Variants in PLA2G4A observed in about 807,000 individuals in gnomAD.
PLA2G4A encodes cytosolic phospholipase A2.
In PLA2G4A, 40 loss-of-function variants were observed where a neutral mutation model predicts 81.9. The ratio of observed to expected loss-of-function variants is 0.49; its 90% CI spans 0.38 to 0.64. The LOEUF (loss-of-function observed/expected upper bound fraction) is 0.64. PLA2G4A is among the 30% of genes least tolerant of loss of function. The pLI is 0.00. For synonymous variants in PLA2G4A, 302 were observed against 296.9 expected (o/e 1.02, Z -0.18); for missense variants, 715 against 905.1 (o/e 0.79, Z 2.69).
intron 1 of PLA2G4A, among the ~76,000 whole-genome samples, chr1:186,835,113 T>A (rs892171232): frequency 6.6e-6 from 1 of 152,154 alleles, no homozygotes; most frequent in African/African-American, 2.4e-5. Context: ...AAACATTAGG[T>A]CAGCACATGG....
At chr1:186,952,406 GT>G (rs1351109329) in intron 13 of PLA2G4A, among the ~76,000 whole-genome samples, 1 of 152,114 alleles carries the variant, frequency 6.6e-6, no homozygotes, top group Non-Finnish European at 1.5e-5. Context: ...TTTACATAGA[GT>G]TTTTAGAGCA....
intron 10 of PLA2G4A, among the ~76,000 whole-genome samples, chr1:186,945,521 G>C (rs140591178): frequency 1.3e-5 from 2 of 152,232 alleles, no homozygotes; most frequent in East Asian, 3.9e-4. Context: ...GGAGGTCCAG[G>C]AGAGAGAATA....
At chr1:186,859,815 T>A (rs1652732126) in intron 2 of PLA2G4A, among the ~76,000 whole-genome samples, 1 of 152,094 alleles carries the variant, frequency 6.6e-6, no homozygotes, top group African/African-American at 2.4e-5. Flanking sequence ...ACTCTGACTT[T>A]TACCTGCCTC....
chr1:186,897,780 A>G (rs1357078514), intron 5 of PLA2G4A, among the ~76,000 whole-genome samples: 1 of 152,178 alleles, frequency 6.6e-6, no homozygotes, highest in African/African-American at 2.4e-5. Flanking sequence ...AAGTGCTGGG[A>G]TTGCAGGCGT....
At chr1:186,925,858 G>A (rs1454374203) in intron 7 of PLA2G4A, among the ~76,000 whole-genome samples, 1 of 152,096 alleles carries the variant, frequency 6.6e-6, no homozygotes, top group Non-Finnish European at 1.5e-5. Flanking sequence ...GTTTTATGAG[G>A]GCCAGGACAA....
rs759648450 is a variant in PLA2G4A, at chr1:186,854,382, A to T, written c.28A>T (p.Ile10Phe). ...GTCATTTATAGATCCTTACCAGCAC[A>T]TTATAGTAAGTCATTCACTGTTTAT... MSFIDPYQH[I>F]IVEHQYSHKF... is the part of the protein sequence containing the mutation. The change falls in exon 2 of 18, where the codon ATT becomes TTT. Residue 10 changes from isoleucine to phenylalanine, a missense_variant. Physicochemically the swap from Ile to Phe is conservative, Grantham distance 21 (BLOSUM62 0). Coordinates refer to ENST00000367466, the MANE Select transcript of PLA2G4A (RefSeq NM_024420.3). The T allele has an allele frequency of 6.4e-7, 1 of 1,563,192 alleles. No individual in the cohort carries two copies.
chr1:186,929,042 T>C (rs1655649512), intron 7 of PLA2G4A, among the ~76,000 whole-genome samples: 1 of 152,210 alleles, frequency 6.6e-6, no homozygotes, highest in Non-Finnish European at 1.5e-5. Context: ...ACTCCAAACT[T>C]AGTCTTTGTT....
At chr1:186,899,146 T>C (rs1466531447) in intron 5 of PLA2G4A, among the ~76,000 whole-genome samples, 2 of 152,184 alleles carry the variant, frequency 1.3e-5, no homozygotes, top group African/African-American at 4.8e-5. Context: ...AGTGTGTATA[T>C]GTGTGTAAAG....
chr1:186,830,985 T>G (rs143879296), intron 1 of PLA2G4A, among the ~76,000 whole-genome samples: 1,915 of 139,734 alleles, frequency 0.014, 46 homozygotes, highest in African/African-American at 0.045. Flanking sequence ...TTTCTTTCTT[T>G]CTTTCTTTCT....
At position 186,965,723 on chromosome 1, in the gene PLA2G4A, C is replaced by T. The variant is rs1313253728; in HGVS notation, c.1764+130C>T. 5 of 749,316 alleles carry T rather than the reference C, an allele frequency of 6.7e-6. No homozygotes were observed. In the African/African-American group the frequency reaches 6.9e-5, roughly 10 times the overall value. 46.4% of individuals were successfully genotyped at this position (749,316 alleles called of 1,614,324 possible). ...TTCTACATCTTTATGAGTAATAGTT[C>T]TAAAACGCAAACATGGTTCAATCAG... On this transcript the variant is annotated intron_variant, in intron 15 of 17. Coordinates refer to ENST00000367466, the MANE Select transcript of PLA2G4A (RefSeq NM_024420.3).
intron 7 of PLA2G4A, among the ~76,000 whole-genome samples, chr1:186,920,428 A>G (rs547366792): frequency 6.6e-6 from 1 of 152,316 alleles, no homozygotes; most frequent in African/African-American, 2.4e-5. Flanking sequence ...GGTGGTCACT[A>G]CTGAATGTTC....
chr1:186,981,195 T>C (rs1488166349), intron 17 of PLA2G4A, among the ~76,000 whole-genome samples: 1 of 152,118 alleles, frequency 6.6e-6, no homozygotes, highest in African/African-American at 2.4e-5. Context: ...TGGGATGAAT[T>C]GTATTAAATT....
At chr1:186,852,006 C>T (rs1652391296) in intron 1 of PLA2G4A, among the ~76,000 whole-genome samples, 1 of 151,878 alleles carries the variant, frequency 6.6e-6, no homozygotes, top group South Asian at 2.1e-4. Context: ...AGAAAATGAA[C>T]ATCCCTTGAC....
chr1:186,881,336 G>A lies in PLA2G4A; in HGVS notation c.115+10820G>A, dbSNP rs575220861. Among the ~76,000 whole-genome samples, 14 of 152,150 alleles carry A rather than the reference G, an allele frequency of 9.2e-5. No individual in the cohort carries two copies. In the South Asian group the frequency reaches 2.7e-3, roughly 29 times the overall value. ...CATTGTAATTTCAAATGAGGGAAAG[G>A]CATTCCACATTTGAGTTCCTAGGCA... On this transcript the variant is annotated intron_variant, in intron 3 of 17. Transcript: ENST00000367466.
chr1:186,936,160 A>G (rs1655936020), intron 8 of PLA2G4A, among the ~76,000 whole-genome samples: 1 of 151,976 alleles, frequency 6.6e-6, no homozygotes, highest in South Asian at 2.1e-4. Context: ...AGAAATCAGA[A>G]CAGCTCTGCA....
At chr1:186,948,663 A>C (rs1279674049) in intron 12 of PLA2G4A, among the ~76,000 whole-genome samples, 1 of 152,174 alleles carries the variant, frequency 6.6e-6, no homozygotes, top group East Asian at 1.9e-4. Context: ...ACAGATCTGA[A>C]TGTGGGTGAG....
At chr1:186,886,762 A>G (rs1558401931) in intron 3 of PLA2G4A, among the ~76,000 whole-genome samples, 1 of 152,198 alleles carries the variant, frequency 6.6e-6, no homozygotes, top group Admixed American at 6.5e-5. Context: ...GAGAAATAGA[A>G]GTAAATGACT....
At chr1:186,947,949 C>T (rs1256917552) in intron 12 of PLA2G4A, among the ~76,000 whole-genome samples, 1 of 152,070 alleles carries the variant, frequency 6.6e-6, no homozygotes, top group Non-Finnish European at 1.5e-5. Context: ...AACAAGCTGT[C>T]CTTGGTTATC....
At chr1:186,978,747 G>C (rs1571464633) in intron 16 of PLA2G4A, among the ~76,000 whole-genome samples, 2 of 152,284 alleles carry the variant, frequency 1.3e-5, no homozygotes, top group Admixed American at 1.3e-4. Context: ...AACTAATTCT[G>C]AGAAAAGGAC....
Sources: allele counts gnomAD v4.1 joint callset (sites outside exome capture counted in the v4.1 genomes callset), GRCh38; gene constraint gnomAD v4.1.1; transcripts MANE v1.5; gene names NCBI Gene and HGNC (gene_info 2026-07-23, HGNC 2026-07-21).